The following TIAM2 variants were observed in gnomAD, a reference collection of about 807,000 sequenced individuals.
The protein encoded by TIAM2 is rho guanine nucleotide exchange factor TIAM2.
In TIAM2, 80 loss-of-function variants were observed where a neutral mutation model predicts 152.9. That is an observed-to-expected ratio of 0.52 (90% confidence interval 0.44 to 0.63). The LOEUF (loss-of-function observed/expected upper bound fraction) is 0.63, where lower values mean the gene tolerates loss of function less well. TIAM2 is among the 30% of genes least tolerant of loss of function. The probability of loss-of-function intolerance (pLI) is 0.00; values close to 1 mark genes in which losing one functional copy is unlikely to be tolerated. For missense variants in TIAM2, 1,965 were observed against 2,120.1 expected, an observed-to-expected ratio of 0.93 and a Z score of 1.44; for synonymous variants, 804 against 838.0, an observed-to-expected ratio of 0.96 and a Z score of 0.70.
chr6:155,104,201 T>C (rs1778626574), intron 2 of TIAM2, among the ~76,000 whole-genome samples: 1 of 152,120 alleles, frequency 6.6e-6, no homozygotes, highest in African/African-American at 2.4e-5. Flanking sequence ...CGCCTGTTGC[T>C]GGCCAGCTCT....
chr6:155,217,365 T>C (rs544129077), intron 15 of TIAM2, among the ~76,000 whole-genome samples: 1 of 152,316 alleles, frequency 6.6e-6, no homozygotes, highest in East Asian at 1.9e-4. Flanking sequence ...TTTAACTTCA[T>C]CTCCGAAATA....
chr6:155,223,785 G>A (rs1207810570), intron 15 of TIAM2, among the ~76,000 whole-genome samples: 1 of 152,050 alleles, frequency 6.6e-6, no homozygotes, highest in Non-Finnish European at 1.5e-5. Flanking sequence ...CGTAAGGGAC[G>A]CTCAGGTGGC....
chr6:155,144,839 C>T, intron 6 of TIAM2, 61 bp downstream of exon 6: 9 of 1,505,032 alleles, frequency 6.0e-6, no homozygotes, highest in East Asian at 2.5e-5. Context: ...TAAGAAGGAA[C>T]AGAAAAGGCA....
chr6:155,016,513 A>G (rs918046553), intron 1 of TIAM2, among the ~76,000 whole-genome samples: 4 of 151,908 alleles, frequency 2.6e-5, no homozygotes, highest in African/African-American at 9.7e-5. Flanking sequence ...TTACATTTAA[A>G]TGGTATTTAC....
Position 155,222,569 on chromosome 6 carries a change from C to G in TIAM2, c.3168+11262C>G, listed in dbSNP as rs187229971. Reference sequence around the variant, plus strand: ...TGAGCCAAGACTGCACCACTGTACTCCAACCTGGATGACAGAGCAAGACTC... The same window carrying G: ...TGAGCCAAGACTGCACCACTGTACTGCAACCTGGATGACAGAGCAAGACTC... On this transcript the variant is annotated intron_variant, in intron 15 of 26. Coordinates refer to ENST00000682666, the MANE Select transcript of TIAM2 (RefSeq NM_012454.4). 2.0e-5 allele frequency among the ~76,000 whole-genome samples: 3 copies of G among 151,150 alleles called. No homozygotes were observed. In the East Asian group the frequency reaches 5.9e-4, roughly 30 times the overall value.
intron 1 of TIAM2, among the ~76,000 whole-genome samples, chr6:155,006,682 CAAAAAAAAA>C (rs577214442): frequency 1.1e-5 from 1 of 87,200 alleles, no homozygotes; most frequent in Admixed American, 1.2e-4. Context: ...CTCCCCCCAC[CAAAAAAAAA>C]AAAAAAGAAA....
intron 20 of TIAM2, among the ~76,000 whole-genome samples, chr6:155,249,523 T>G (rs946090097): frequency 3.3e-5 from 5 of 152,242 alleles, no homozygotes; most frequent in Non-Finnish European, 4.4e-5. Flanking sequence ...TTGCGGGCAC[T>G]AAATGAGATG....
chr6:155,190,276 G>T (rs1440077605), intron 14 of TIAM2, among the ~76,000 whole-genome samples: 1 of 152,184 alleles, frequency 6.6e-6, no homozygotes, highest in Non-Finnish European at 1.5e-5. Context: ...GGATCTTAAA[G>T]TATTGTCATG....
intron 2 of TIAM2, among the ~76,000 whole-genome samples, chr6:155,120,760 C>T (rs75524328): frequency 0.022 from 3,386 of 152,222 alleles, 121 homozygotes; most frequent in African/African-American, 0.077. Flanking sequence ...GTATGTTGTA[C>T]GGGGTTCAGT....
intron 15 of TIAM2, chr6:155,217,146 C>T: frequency 1.6e-6 from 2 of 1,283,066 alleles, no homozygotes; most frequent in South Asian, 1.3e-5. Context: ...CAAATGTAGG[C>T]ATGCTTGCAC....
At chr6:155,171,662 A>G (rs1583228046) in intron 9 of TIAM2, among the ~76,000 whole-genome samples, 1 of 152,242 alleles carries the variant, frequency 6.6e-6, no homozygotes, top group Non-Finnish European at 1.5e-5. Context: ...TCACCACAGT[A>G]TGGTAATCTG....
At chr6:155,102,823 T>A (rs1778581914) in intron 2 of TIAM2, among the ~76,000 whole-genome samples, 1 of 150,424 alleles carries the variant, frequency 6.6e-6, no homozygotes, top group Admixed American at 6.6e-5. Context: ...ACATATATTT[T>A]CCTCCCAACA....
intron 2 of TIAM2, among the ~76,000 whole-genome samples, chr6:155,103,723 C>CA (rs759945340): frequency 0.21 from 12,358 of 59,478 alleles, 1,952 homozygotes; most frequent in African/African-American, 0.38. Flanking sequence ...GACTCTGTCT[C>CA]AAAAAAAAAA....
At chr6:155,012,655 A>G (rs1778509061) in intron 1 of TIAM2, among the ~76,000 whole-genome samples, 1 of 152,078 alleles carries the variant, frequency 6.6e-6, no homozygotes, top group South Asian at 2.1e-4. Flanking sequence ...GGTTCAAGCG[A>G]TTCTCCTGCA....
chr6:155,173,177 G>A (rs1358756092), intron 9 of TIAM2, among the ~76,000 whole-genome samples: 2 of 134,072 alleles, frequency 1.5e-5, no homozygotes, highest in Non-Finnish European at 3.0e-5. Context: ...GGTTGTGTGT[G>A]TGTGTGTGTG....
At chr6:155,254,194 C>T in intron 25 of TIAM2, 134 bp downstream of exon 25, 1 of 1,041,188 alleles carries the variant, frequency 9.6e-7, no homozygotes, top group Non-Finnish European at 1.4e-6. Context: ...AAAAAGGCAA[C>T]TGAGGCCGCT....
chr6:155,129,357 G>T lies in TIAM2; in HGVS notation c.134G>T (p.Gly45Val). 6.2e-7 allele frequency: 1 copy of T among 1,614,130 alleles called. No homozygotes were observed. Among genetic ancestry groups the T allele is most frequent in the East Asian group, 2.2e-5 (1 of 44,884 alleles). ...IHAKEEKSLH[G>V]WGHGSNGAGY... ...GCAAAAGAGGAAAAGTCATTGCATG[G>T]ATGGGGTCACGGAAGCAACGGAGCA... The change falls in exon 4 of 27, where the codon GGA (glycine) becomes GTA (valine). Residue 45 changes from glycine (G) to valine (V), a missense_variant. Gly to Val is a moderately radical substitution (Grantham distance 109). Coordinates refer to ENST00000682666, the MANE Select transcript of TIAM2 (RefSeq NM_012454.4). This position sits in a 1 kb window ranked among gnomAD's most constrained non-coding sequence, Gnocchi z 4.8.
intron 14 of TIAM2, among the ~76,000 whole-genome samples, chr6:155,203,607 T>A (rs1781531076): frequency 6.6e-6 from 1 of 152,236 alleles, no homozygotes; most frequent in Non-Finnish European, 1.5e-5. Context: ...CACTTGTAAC[T>A]ACTTTGACAT....
chr6:155,030,663 C>T (rs568768835), intron 1 of TIAM2, among the ~76,000 whole-genome samples: 3 of 152,284 alleles, frequency 2.0e-5, no homozygotes, highest in Middle Eastern at 3.4e-3. Context: ...TAGCTACTTT[C>T]TCCGTCTTGC....
Sources: allele counts gnomAD v4.1 joint callset (sites outside exome capture counted in the v4.1 genomes callset), GRCh38; gene constraint gnomAD v4.1.1; non-coding constraint Gnocchi (gnomAD v3.1); transcripts MANE v1.5; gene names NCBI Gene and HGNC (gene_info 2026-07-23, HGNC 2026-07-21).